Variants in SLC23A2 observed in about 807,000 individuals in gnomAD.
SLC23A2 encodes the protein solute carrier family 23 member 2, also known as Na(+)/L-ascorbic acid transporter 2.
In SLC23A2, 36 loss-of-function variants were observed where a neutral mutation model predicts 73.3. The ratio of observed to expected loss-of-function variants is 0.49; its 90% CI spans 0.38 to 0.65. The LOEUF is 0.65. Among genes scored for constraint, SLC23A2 ranks in the 30% least tolerant of loss-of-function variants. The pLI, the probability that SLC23A2 is intolerant of heterozygous loss-of-function variation, is 0.00. For synonymous variants in SLC23A2, 343 were observed against 327.3 expected, an observed-to-expected ratio of 1.05 and a Z score of -0.52; for missense variants, 507 against 841.6, an observed-to-expected ratio of 0.60 and a Z score of 4.92.
upstream of SLC23A2, among the ~76,000 whole-genome samples, chr20:5,006,100 T>C (rs1050038192): frequency 1.3e-5 from 2 of 152,076 alleles, no homozygotes; most frequent in Non-Finnish European, 2.9e-5. Context: ...TTTTTGTTTG[T>C]TTTGTTTTGT....
intron 1 of SLC23A2, among the ~76,000 whole-genome samples, chr20:4,989,667 T>C (rs1384318404): frequency 6.7e-6 from 1 of 150,296 alleles, no homozygotes; most frequent in African/African-American, 2.5e-5. Flanking sequence ...CAGAGCAAGA[T>C]CCCTTAAAAA....
intron 4 of SLC23A2, among the ~76,000 whole-genome samples, chr20:4,910,498 T>A (rs1365318551): frequency 1.3e-5 from 2 of 152,130 alleles, no homozygotes; most frequent in African/African-American, 4.8e-5. Context: ...TGGTGCCATC[T>A]CAGCTCACTG....
At chr20:4,996,709 ACAAC>A (rs1204932186) in intron 1 of SLC23A2, among the ~76,000 whole-genome samples, 1 of 71,912 alleles carries the variant, frequency 1.4e-5, no homozygotes, top group African/African-American at 3.4e-5. Flanking sequence ...AAAAAAAAAA[ACAAC>A]AACTCATGAG....
chr20:4,861,493 G>C (rs1362617734), intron 15 of SLC23A2, among the ~76,000 whole-genome samples: 1 of 152,186 alleles, frequency 6.6e-6, no homozygotes, highest in Non-Finnish European at 1.5e-5. Context: ...ACATTGCAGT[G>C]TTAAAACAAA....
intron 2 of SLC23A2, among the ~76,000 whole-genome samples, chr20:4,961,367 C>T (rs773868384): frequency 2.6e-5 from 4 of 151,994 alleles, no homozygotes; most frequent in Admixed American, 1.3e-4. Flanking sequence ...CAGGCGTGAG[C>T]CACCACGCCT....
chr20:4,965,524 T>A (rs6038023), intron 2 of SLC23A2, among the ~76,000 whole-genome samples: 60,996 of 151,932 alleles, frequency 0.4, 12,542 homozygotes, highest in Admixed American at 0.48. Context: ...GTAATCCCAG[T>A]ACTTTGGGAG....
chr20:4,968,916 A>G (rs112370531), intron 2 of SLC23A2, among the ~76,000 whole-genome samples: 5,159 of 149,348 alleles, frequency 0.035, 280 homozygotes, highest in African/African-American at 0.12. Flanking sequence ...ACGGGGTTTC[A>G]CCAGCCATGT....
Position 4,857,963 on chromosome 20 carries a change from C to T in SLC23A2, c.1721-759G>A, listed in dbSNP as rs150539990. 7.3e-3 allele frequency among the ~76,000 whole-genome samples: 1,109 copies of T among 151,938 alleles called. 7 individuals are homozygous for T. The highest frequency in any genetic ancestry group is 9.1e-3 in the Non-Finnish European group (617 of 67,962). On this transcript the variant is annotated intron_variant, in intron 16 of 16. Coordinates refer to ENST00000338244, the MANE Select transcript of SLC23A2 (RefSeq NM_005116.6). The surrounding 1 kb of genome is among the most constrained non-coding windows in gnomAD (Gnocchi z 4.0). ...AAACAAAACAAAACAAAACAAACAACAAAACACACAAAACAAACTCTGTAA... is the reference window on the plus strand; with the variant it reads ...AAACAAAACAAAACAAAACAAACAATAAAACACACAAAACAAACTCTGTAA...
At chr20:4,972,328 C>G (rs980107201) in intron 1 of SLC23A2, among the ~76,000 whole-genome samples, 6 of 151,786 alleles carry the variant, frequency 4.0e-5, no homozygotes, top group African/African-American at 1.5e-4. Flanking sequence ...ACCAGTCCAG[C>G]CTTCAAGGAA....
At chr20:4,905,927 G>T (rs948916428) in intron 4 of SLC23A2, among the ~76,000 whole-genome samples, 4 of 152,220 alleles carry the variant, frequency 2.6e-5, no homozygotes, top group African/African-American at 9.6e-5. Flanking sequence ...CCCCGCTGTA[G>T]CGTTTCAAAC....
Position 4,854,319 on chromosome 20 carries a change from A to ATT in SLC23A2, c.*2651_*2652dup, listed in dbSNP as rs1929633916. 1 of 152,126 alleles carries ATT rather than the reference A, an allele frequency of 6.6e-6. No individual in the cohort carries two copies. The highest frequency in any genetic ancestry group is 1.5e-5 in the Non-Finnish European group (1 of 68,042). The allele number at this position is 152,126 out of a possible 1,614,324, so 9.4% of individuals were successfully genotyped here. ...TTAAACCCAAGAAGCAGATGAATAC[A>ATT]TTCTTTTTCTTTCAATTACAAACTT... On this transcript the variant is annotated 3_prime_UTR_variant, in exon 17 of 17. Transcript: ENST00000338244.
chr20:4,859,154 T>C (rs948146172), intron 16 of SLC23A2, 135 bp downstream of exon 16: 3 of 636,476 alleles, frequency 4.7e-6, no homozygotes, highest in Non-Finnish European at 8.4e-6. Context: ...CACAACTGTT[T>C]TAGAAAACAG....
intron 1 of SLC23A2, among the ~76,000 whole-genome samples, chr20:4,986,984 CA>C (rs35326200): frequency 0.037 from 5,622 of 152,170 alleles, 336 homozygotes; most frequent in African/African-American, 0.13. Flanking sequence ...CCACTAAATT[CA>C]GGCCCCTTCT....
intron 9 of SLC23A2, among the ~76,000 whole-genome samples, chr20:4,875,592 G>A (rs949453215): frequency 5.9e-5 from 9 of 152,168 alleles, no homozygotes; most frequent in Admixed American, 5.9e-4. Context: ...ACTGCACTAA[G>A]TGCTATGGGA....
chr20:4,988,336 T>G (rs1430927198), intron 1 of SLC23A2, among the ~76,000 whole-genome samples: 1 of 142,288 alleles, frequency 7.0e-6, no homozygotes, highest in Non-Finnish European at 1.5e-5. Flanking sequence ...GTGTGGTGGC[T>G]CACGCCTGTA....
rs773629495 is a variant in SLC23A2, at chr20:4,916,564, T to C, written c.109-3586A>G. 3.9e-4 allele frequency among the ~76,000 whole-genome samples: 60 copies of C among 152,156 alleles called. 2 individuals are homozygous for C. Among genetic ancestry groups the C allele is most frequent in the Non-Finnish European group, 1.6e-4 (11 of 68,034 alleles). ...CACCTCGATACATTAAAAAAAATCA[T>C]CTGTATACATGGCACTAAGAAGATA... On this transcript the variant is annotated intron_variant, in intron 3 of 16. Coordinates refer to ENST00000338244, the MANE Select transcript of SLC23A2 (RefSeq NM_005116.6).
At chr20:4,914,683 A>G (rs1326689222) in intron 3 of SLC23A2, among the ~76,000 whole-genome samples, 1 of 152,232 alleles carries the variant, frequency 6.6e-6, no homozygotes, top group Non-Finnish European at 1.5e-5. Context: ...GACAACATAA[A>G]TGTCCATCAA....
chr20:4,953,422 T>C (rs1019385339), intron 2 of SLC23A2, among the ~76,000 whole-genome samples: 2 of 152,066 alleles, frequency 1.3e-5, no homozygotes, highest in African/African-American at 4.8e-5. Context: ...GCTAAAGCCC[T>C]TCTCCCAAAC....
intron 2 of SLC23A2, among the ~76,000 whole-genome samples, chr20:4,933,057 G>A (rs1932806523): frequency 6.6e-6 from 1 of 152,148 alleles, no homozygotes; most frequent in African/African-American, 2.4e-5. Flanking sequence ...TGCAATGAGG[G>A]AGATGTTATA....
Sources: allele counts gnomAD v4.1 joint callset (sites outside exome capture counted in the v4.1 genomes callset), GRCh38; gene constraint gnomAD v4.1.1; non-coding constraint Gnocchi (gnomAD v3.1); transcripts MANE v1.5; gene names NCBI Gene and HGNC (gene_info 2026-07-23, HGNC 2026-07-21).